SGK1: variants seen among roughly 807,000 people sequenced by gnomAD.
The protein encoded by SGK1 is serine/threonine-protein kinase Sgk1.
In SGK1, 26 loss-of-function variants were observed where a neutral mutation model predicts 64.2. The ratio of observed to expected loss-of-function variants is 0.40; its 90% CI spans 0.30 to 0.56. SGK1 has a LOEUF of 0.56. SGK1 is among the 20% of genes least tolerant of loss of function. The pLI is 0.38. For synonymous variants in SGK1, 265 were observed against 239.7 expected, an observed-to-expected ratio of 1.11 and a Z score of -0.98; for missense variants, 519 against 645.6, an observed-to-expected ratio of 0.80 and a Z score of 2.12.
At chr6:134,197,247 A>G in intron 3 of SGK1, among the ~76,000 whole-genome samples, 1 of 152,128 alleles carries the variant, frequency 6.6e-6, no homozygotes, top group East Asian at 1.9e-4. Flanking sequence ...AACCAACAAC[A>G]GCAACAGCAA....
chr6:134,248,122 C>A (rs996240702), intron 2 of SGK1, among the ~76,000 whole-genome samples: 1 of 151,924 alleles, frequency 6.6e-6, no homozygotes, highest in Non-Finnish European at 1.5e-5. Context: ...CTATTTTTTT[C>A]CCTCGTGTGT....
chr6:134,298,878 G>A (rs1348525285), intron 1 of SGK1, among the ~76,000 whole-genome samples: 5 of 151,802 alleles, frequency 3.3e-5, no homozygotes, highest in Non-Finnish European at 5.9e-5. Flanking sequence ...TCGGCTCACT[G>A]CAACCTCTAC....
chr6:134,292,466 G>A (rs748484289), intron 1 of SGK1, among the ~76,000 whole-genome samples: 19 of 152,088 alleles, frequency 1.2e-4, no homozygotes, highest in Non-Finnish European at 1.6e-4. Context: ...GGTGGCTGGC[G>A]CCTGTAATCC....
At chr6:134,240,291 C>CAAAAAA (rs148740677) in intron 2 of SGK1, among the ~76,000 whole-genome samples, 2 of 84,460 alleles carry the variant, frequency 2.4e-5, no homozygotes, top group African/African-American at 8.6e-5. Flanking sequence ...GACTCCATCT[C>CAAAAAA]AAAAAAAAAA....
intron 1 of SGK1, among the ~76,000 whole-genome samples, chr6:134,294,303 A>G (rs1347117830): frequency 6.6e-6 from 1 of 152,130 alleles, no homozygotes; most frequent in African/African-American, 2.4e-5. Context: ...TAGTACAATG[A>G]CGTTGTTGAG....
chr6:134,306,854 C>T (rs1215565259), intron 1 of SGK1, among the ~76,000 whole-genome samples: 2 of 145,528 alleles, frequency 1.4e-5, no homozygotes, highest in African/African-American at 5.2e-5. Context: ...TAAAACCTGA[C>T]ACATCAAAGT....
chr6:134,189,205 G>GGTGTGT lies in SGK1; in HGVS notation c.362-14625_362-14620dup, dbSNP rs71545087. Among the ~76,000 whole-genome samples, 1,104 of 148,202 alleles carry GGTGTGT rather than the reference G, an allele frequency of 7.4e-3. 15 individuals are homozygous for GGTGTGT. Among genetic ancestry groups the GGTGTGT allele is most frequent in the African/African-American group, 0.025 (998 of 40,292 alleles). The stretch of plus-strand genomic sequence containing the variant: ...GCATATTAACTACCTCTTTTATACA[G>GGTGTGT]GTGTGTGTGTGTGTGTGTGTGTGCG... On this transcript the variant is annotated intron_variant, in intron 3 of 13. Transcript: ENST00000367858.
intron 1 of SGK1, among the ~76,000 whole-genome samples, chr6:134,304,435 C>T (rs1431054738): frequency 6.6e-6 from 1 of 152,044 alleles, no homozygotes; most frequent in Admixed American, 6.6e-5. Context: ...GAGGATCACT[C>T]GAGGTCAGGA....
intron 1 of SGK1, among the ~76,000 whole-genome samples, chr6:134,288,538 T>C (rs1777218424): frequency 6.6e-6 from 1 of 152,168 alleles, no homozygotes; most frequent in South Asian, 2.1e-4. Flanking sequence ...CATTTTATGA[T>C]GAGAAATACA....
intron 1 of SGK1, among the ~76,000 whole-genome samples, chr6:134,279,560 A>G (rs1481667003): frequency 6.6e-6 from 1 of 152,192 alleles, no homozygotes; most frequent in Admixed American, 6.5e-5. Context: ...ATAGATATCA[A>G]TGAACTGACT....
chr6:134,286,133 A>C (rs1012218517), intron 1 of SGK1, among the ~76,000 whole-genome samples: 1 of 152,226 alleles, frequency 6.6e-6, no homozygotes, highest in South Asian at 2.1e-4. Context: ...TAATCTATTT[A>C]TATACAGGTG....
At chr6:134,306,867 T>C (rs1168690306) in intron 1 of SGK1, among the ~76,000 whole-genome samples, 2 of 133,072 alleles carry the variant, frequency 1.5e-5, no homozygotes, top group Non-Finnish European at 3.2e-5. Flanking sequence ...ATCAAAGTGC[T>C]CAATTCATGT....
intron 3 of SGK1, among the ~76,000 whole-genome samples, chr6:134,203,899 A>C (rs564831137): frequency 6.6e-6 from 1 of 152,250 alleles, no homozygotes; most frequent in South Asian, 2.1e-4. Flanking sequence ...CCCCGTCTCT[A>C]CTAAAAATAC....
chr6:134,232,451 G>GAAAGAA (rs1554222965), intron 2 of SGK1, among the ~76,000 whole-genome samples: 4 of 37,158 alleles, frequency 1.1e-4, no homozygotes, highest in Non-Finnish European at 2.4e-4. Flanking sequence ...AAGAAAGAAA[G>GAAAGAA]AAAGAAAGAA....
chr6:134,208,383 T>C (rs1775827514), intron 2 of SGK1, among the ~76,000 whole-genome samples: 2 of 152,170 alleles, frequency 1.3e-5, no homozygotes, highest in Admixed American at 1.3e-4. Flanking sequence ...TTTTTCATTT[T>C]TAAAAAAATT....
chr6:134,276,430 C>G lies in SGK1; in HGVS notation c.70-14282G>C, dbSNP rs187007419. Among the ~76,000 whole-genome samples the G allele has an allele frequency of 1.1e-4, 17 of 152,208 alleles. No homozygotes were observed. The East Asian group carries it at 2.7e-3, about 24-fold the overall frequency. ...AGGAAAGCATGTTTCAAAGCATGCT[C>G]ATAGAGAGGGCCAACCTTGGGGTGA... On this transcript the variant is annotated intron_variant, in intron 1 of 13. Transcript: ENST00000367858.
At chr6:134,203,045 G>A (rs1439953207) in intron 3 of SGK1, among the ~76,000 whole-genome samples, 1 of 151,892 alleles carries the variant, frequency 6.6e-6, no homozygotes, top group African/African-American at 2.4e-5. Flanking sequence ...AGAGATCGAG[G>A]CCAGCCTGGC....
intron 1 of SGK1, among the ~76,000 whole-genome samples, chr6:134,313,065 G>A (rs1196546503): frequency 2.0e-5 from 3 of 152,140 alleles, no homozygotes; most frequent in Non-Finnish European, 2.9e-5. Context: ...GAGCCAACGC[G>A]CCCAGCCTGT....
At chr6:134,185,555 A>AGTGTGTGTGTGT (rs55653141) in intron 3 of SGK1, among the ~76,000 whole-genome samples, 10,468 of 145,314 alleles carry the variant, frequency 0.072, 459 homozygotes, top group Non-Finnish European at 0.11. Flanking sequence ...TATCTCTATG[A>AGTGTGTGTGTGT]GTGTGTGTGT....
Sources: gnomAD v4.1 joint callset for allele counts (sites outside exome capture counted in the v4.1 genomes callset) on GRCh38, gnomAD v4.1.1 for gene constraint, MANE v1.5 for transcripts, NCBI Gene and HGNC (gene_info 2026-07-23, HGNC 2026-07-21) for gene names.